The following TSPAN7 variants were observed in gnomAD, a reference collection of about 807,000 sequenced individuals.
The protein encoded by TSPAN7 is tetraspanin 7.
A neutral mutation model predicts 17.6 loss-of-function variants in TSPAN7; 1 was observed. That is an observed-to-expected ratio of 0.06 (90% confidence interval 0.02 to 0.27). The LOEUF (loss-of-function observed/expected upper bound fraction) is 0.27, where lower values mean the gene tolerates loss of function less well. TSPAN7 is among the 10% of genes least tolerant of loss of function. The pLI, the probability that TSPAN7 is intolerant of heterozygous loss-of-function variation, is 1.00. For missense variants in TSPAN7, 112 were observed against 201.7 expected, an observed-to-expected ratio of 0.56 and a Z score of 2.69; for synonymous variants, 78 against 79.0, an observed-to-expected ratio of 0.99 and a Z score of 0.07.
chrX:38,657,413 A>G (rs1398128429), intron 1 of TSPAN7, among the ~76,000 whole-genome samples: 2 of 111,497 alleles, frequency 1.8e-5, no homozygotes, highest in African/African-American at 6.5e-5. Flanking sequence ...GTCCATTTTT[A>G]CCACTTCATG....
At chrX:38,634,729 A>G (rs966998267) in intron 1 of TSPAN7, among the ~76,000 whole-genome samples, 8 of 110,381 alleles carry the variant, frequency 7.2e-5, no homozygotes, top group Admixed American at 2.9e-4. Flanking sequence ...TTCATGAGGG[A>G]CCTCACATTT....
At chrX:38,619,934 T>G (rs938976353) in intron 1 of TSPAN7, among the ~76,000 whole-genome samples, 15 of 112,432 alleles carry the variant, frequency 1.3e-4, no homozygotes, top group African/African-American at 4.8e-4. Context: ...AAACATAATG[T>G]ATTTTCCCAT....
At chrX:38,584,534 C>A (rs772505997) in intron 1 of TSPAN7, among the ~76,000 whole-genome samples, 6 of 111,830 alleles carry the variant, frequency 5.4e-5, no homozygotes, top group Non-Finnish European at 9.4e-5. Context: ...CTCAAATCAT[C>A]TCAAACGTGT....
At chrX:38,591,441 C>T (rs2069291226) in intron 1 of TSPAN7, among the ~76,000 whole-genome samples, 1 of 111,455 alleles carries the variant, frequency 9.0e-6, no homozygotes, top group Non-Finnish European at 1.9e-5. Flanking sequence ...GTTTAATAGC[C>T]AAGAATGTAG....
At chrX:38,576,073 C>T (rs1043355705) in intron 1 of TSPAN7, among the ~76,000 whole-genome samples, 1 of 111,890 alleles carries the variant, frequency 8.9e-6, no homozygotes, top group Non-Finnish European at 1.9e-5. Context: ...CAACTAGTCA[C>T]CTTTGCCATT....
intron 5 of TSPAN7, 86 bp downstream of exon 5, chrX:38,675,946 T>C: frequency 9.5e-7 from 1 of 1,054,810 alleles, no homozygotes; most frequent in Non-Finnish European, 1.3e-6. Context: ...GACAAATAGA[T>C]TTGAAATAGT....
intron 5 of TSPAN7, among the ~76,000 whole-genome samples, chrX:38,676,098 T>G (rs773048792): frequency 9.0e-6 from 1 of 111,457 alleles, no homozygotes; most frequent in Non-Finnish European, 1.9e-5. Flanking sequence ...CCAGGCATAG[T>G]TAGGAAGGTT....
chrX:38,613,564 T>C (rs776657270), intron 1 of TSPAN7, among the ~76,000 whole-genome samples: 7 of 111,642 alleles, frequency 6.3e-5, no homozygotes, highest in African/African-American at 2.3e-4. Flanking sequence ...TCTTTCACCT[T>C]GGGTTATTAG....
intron 1 of TSPAN7, among the ~76,000 whole-genome samples, chrX:38,657,224 G>A (rs1003129455): frequency 2.7e-5 from 3 of 111,637 alleles, no homozygotes; most frequent in African/African-American, 9.8e-5. Context: ...AGGTAGAGCT[G>A]TGTGGGCCTC....
At chrX:38,590,498 G>T (rs896028524) in intron 1 of TSPAN7, among the ~76,000 whole-genome samples, 3 of 111,490 alleles carry the variant, frequency 2.7e-5, no homozygotes, top group African/African-American at 9.8e-5. Flanking sequence ...AATTGGTACT[G>T]GTCTTCCTTA....
At chrX:38,603,904 G>A (rs993316005) in intron 1 of TSPAN7, among the ~76,000 whole-genome samples, 17 of 101,877 alleles carry the variant, frequency 1.7e-4, no homozygotes, top group African/African-American at 6.1e-4. Context: ...TAAGTTTTAG[G>A]GTACATGTGC....
chrX:38,640,770 G>A (rs2069607685), intron 1 of TSPAN7, among the ~76,000 whole-genome samples: 1 of 112,335 alleles, frequency 8.9e-6, no homozygotes, highest in Non-Finnish European at 1.9e-5. Flanking sequence ...TGTGTAGGAA[G>A]GAAAGATTGG....
intron 1 of TSPAN7, among the ~76,000 whole-genome samples, chrX:38,643,672 CAAAAAAAAAAAAAA>C (rs34238064): frequency 1.8e-5 from 1 of 56,060 alleles, no homozygotes; most frequent in African/African-American, 7.1e-5. Flanking sequence ...CCGTCTCTAC[CAAAAAAAAAAAAAA>C]AAAAAAAAAT....
chrX:38,626,855 G>C (rs1488823618), intron 1 of TSPAN7, among the ~76,000 whole-genome samples: 2 of 111,020 alleles, frequency 1.8e-5, no homozygotes, highest in South Asian at 3.8e-4. Flanking sequence ...TGGCTCTAAT[G>C]GTCTTGGTTG....
At chrX:38,628,695 C>A (rs1487225915) in intron 1 of TSPAN7, among the ~76,000 whole-genome samples, 1 of 112,029 alleles carries the variant, frequency 8.9e-6, no homozygotes, top group African/African-American at 3.2e-5. Flanking sequence ...GACCTCTTGA[C>A]CATTCCTTGG....
chrX:38,639,541 C>CT (rs2069601583), intron 1 of TSPAN7, among the ~76,000 whole-genome samples: 1 of 102,337 alleles, frequency 9.8e-6, no homozygotes, highest in Non-Finnish European at 2.0e-5. Context: ...TTTGTGAAAT[C>CT]TTTTTTTGCT....
At chrX:38,618,425 C>T (rs972708697) in intron 1 of TSPAN7, among the ~76,000 whole-genome samples, 1 of 111,586 alleles carries the variant, frequency 9.0e-6, no homozygotes, top group African/African-American at 3.3e-5. Flanking sequence ...GAATCACACA[C>T]GGACAGATGG....
At chrX:38,620,615 C>T (rs142813583) in intron 1 of TSPAN7, among the ~76,000 whole-genome samples, 178 of 111,615 alleles carry the variant, frequency 1.6e-3, no homozygotes, top group South Asian at 0.01. Context: ...CCTGATCTGG[C>T]CCCTAGAGAC....
intron 1 of TSPAN7, chrX:38,646,121 C>T: frequency 2.2e-6 from 1 of 449,653 alleles, no homozygotes; most frequent in Non-Finnish European, 3.3e-6. Context: ...GGTTTTTAAA[C>T]TAGTAATAGT....
Sources: allele counts gnomAD v4.1 joint callset (sites outside exome capture counted in the v4.1 genomes callset), GRCh38; gene constraint gnomAD v4.1.1; transcripts MANE v1.5; gene names NCBI Gene and HGNC (gene_info 2026-07-23, HGNC 2026-07-21).